The following TIA1 variants were observed in gnomAD, a reference collection of about 807,000 sequenced individuals.
TIA1 encodes the protein TIA1 cytotoxic granule associated RNA binding protein.
TIA1 carries 23 observed loss-of-function variants against 65.9 expected under a neutral mutation model. The ratio of observed to expected loss-of-function variants is 0.35; its 90% CI spans 0.25 to 0.49. TIA1 has a LOEUF of 0.49. TIA1 is among the 20% of genes least tolerant of loss of function. The probability of loss-of-function intolerance (pLI) is 0.98; values close to 1 mark genes in which losing one functional copy is unlikely to be tolerated. For synonymous variants in TIA1, 147 were observed against 149.4 expected, an observed-to-expected ratio of 0.98 and a Z score of 0.12; for missense variants, 371 against 477.9, an observed-to-expected ratio of 0.78 and a Z score of 2.09.
rs747006488 is a variant in TIA1, at chr2:70,214,381, C to T, written c.1002G>A (p.Met334Ile). The T allele has an allele frequency of 2.6e-5, 42 of 1,613,482 alleles. No individual in the cohort carries two copies. Among genetic ancestry groups the T allele is most frequent in the Non-Finnish European group, 3.5e-5 (41 of 1,179,820 alleles). Residue 334 changes from methionine to isoleucine, a missense_variant, in exon 12 of 13, where the codon ATG (methionine) becomes ATA (isoleucine). Coordinates refer to ENST00000433529, the MANE Select transcript of TIA1 (RefSeq NM_022173.4). ...CTTGCTGGTTCCATGCCTGGCCATACATTCCATATGCAGGAACTTGCCAAC... is the reference window on the plus strand; with the variant it reads ...CTTGCTGGTTCCATGCCTGGCCATATATTCCATATGCAGGAACTTGCCAAC... ...PNGWQVPAYG[M>I]YGQAWNQQGF...
In TIA1 at chr2:70,245,589, T is replaced by A. The variant is rs1454188532; in HGVS notation, c.26+2816A>T. 4.6e-5 allele frequency among the ~76,000 whole-genome samples: 7 copies of A among 152,160 alleles called. No homozygotes were observed. The South Asian group carries it at 1.2e-3, about 27-fold the overall frequency. On this transcript the variant is annotated intron_variant, in intron 1 of 12. Transcript: ENST00000433529. ...TTTTTTTACTGTGGAAAATTTCAAA[T>A]TTATATATGGAGAAGAGTAGTATAC...
chr2:70,230,252 A>G (rs959667099), intron 3 of TIA1, among the ~76,000 whole-genome samples: 5 of 151,832 alleles, frequency 3.3e-5, no homozygotes, highest in South Asian at 2.1e-4. Context: ...AAAAAAAAAA[A>G]AAAAGAAAAG....
chr2:70,228,796 G>C (rs1684847769), intron 5 of TIA1: 1 of 1,366,802 alleles, frequency 7.3e-7, no homozygotes, highest in Non-Finnish European at 9.4e-7. Context: ...CAAGAAAGGA[G>C]GGTATTTTGC....
chr2:70,222,498 AAG>A (rs1461561434), intron 7 of TIA1, among the ~76,000 whole-genome samples: 1 of 152,194 alleles, frequency 6.6e-6, no homozygotes, highest in Non-Finnish European at 1.5e-5. Flanking sequence ...AGAACATAGG[AAG>A]AGAGGCTGGG....
chr2:70,218,469 T>C lies in TIA1; in HGVS notation c.475-1475A>G, dbSNP rs935132258. ...TTTTTCGAGATGGAGTCTTGCTCTG[T>C]CTCCCAGGCTGGAGTGCAGTGGCGC... On this transcript the variant is annotated intron_variant, in intron 7 of 12. Coordinates refer to ENST00000433529, the MANE Select transcript of TIA1 (RefSeq NM_022173.4). Among the ~76,000 whole-genome samples, 3 of 152,130 alleles carry C rather than the reference T, an allele frequency of 2.0e-5. No homozygotes were observed. In the South Asian group the frequency reaches 6.2e-4, roughly 32 times the overall value.
At chr2:70,214,054 T>C (rs1353209424) in intron 12 of TIA1, among the ~76,000 whole-genome samples, 1 of 152,202 alleles carries the variant, frequency 6.6e-6, no homozygotes, top group East Asian at 1.9e-4. Context: ...AAGCTTGCAA[T>C]GTAACAAGGC....
intron 11 of TIA1, among the ~76,000 whole-genome samples, 161 bp from the exon 12 acceptor site, chr2:70,214,655 AAAAC>A (rs1422521923): frequency 1.3e-5 from 2 of 152,036 alleles, no homozygotes; most frequent in Non-Finnish European, 2.9e-5. Context: ...AAAAAAAAAA[AAAAC>A]AAAAAACAAC....
Position 70,216,323 on chromosome 2 carries a change from C to G in TIA1, c.680-31G>C, listed in dbSNP as rs750211761. On this transcript the variant is annotated intron_variant, in intron 9 of 12. Transcript: ENST00000433529. The stretch of plus-strand genomic sequence containing the variant: ...AGACAAAAAACCAAAACAAACAAAT[C>G]ACACTAAGTTATATAAAAATCCTAC... 8.2e-6 allele frequency: 13 copies of G among 1,577,408 alleles called. No homozygotes were observed. In the Admixed American group the frequency reaches 1.2e-4, roughly 14 times the overall value.
intron 4 of TIA1, 81 bp downstream of exon 4, chr2:70,229,183 A>G: frequency 6.3e-7 from 1 of 1,596,826 alleles, no homozygotes; most frequent in Non-Finnish European, 8.6e-7. Context: ...TACTGCAAAC[A>G]TGTATGATGT....
At chr2:70,245,595 T>C (rs1175809511) in intron 1 of TIA1, among the ~76,000 whole-genome samples, 1 of 152,192 alleles carries the variant, frequency 6.6e-6, no homozygotes, top group Admixed American at 6.5e-5. Flanking sequence ...CAAATTTATA[T>C]ATGGAGAAGA....
chr2:70,218,367 A>G (rs1409276648), intron 7 of TIA1, among the ~76,000 whole-genome samples: 1 of 152,234 alleles, frequency 6.6e-6, no homozygotes, highest in Non-Finnish European at 1.5e-5. Flanking sequence ...AGCGAGCAAA[A>G]AAGAATGTCA....
intron 7 of TIA1, among the ~76,000 whole-genome samples, chr2:70,218,454 T>TG (rs1679653980): frequency 6.6e-6 from 1 of 152,134 alleles, no homozygotes. Context: ...TTTTTCGAGA[T>TG]GGAGTCTTGC....
At position 70,214,338 on chromosome 2, in the gene TIA1, G is replaced by GAT; in HGVS notation, c.1034+9_1034+10dup. 1 of 1,604,758 alleles carries GAT rather than the reference G, an allele frequency of 6.2e-7. No homozygotes were observed. On this transcript the variant is annotated intron_variant, in intron 12 of 12. Transcript: ENST00000433529. Reference sequence around the variant, plus strand: ...CAAAGGTTAGTAAAGGAAGACATAAGATATGCTTACTTAAATCCTTGCTGG... The same window carrying GAT: ...CAAAGGTTAGTAAAGGAAGACATAAGATATATGCTTACTTAAATCCTTGCTGG...
chr2:70,228,131 CA>C (rs1386820900), intron 5 of TIA1, among the ~76,000 whole-genome samples: 1 of 151,976 alleles, frequency 6.6e-6, no homozygotes, highest in East Asian at 1.9e-4. Flanking sequence ...TTCAGTTCTG[CA>C]AAAAAATTTA....
In TIA1 at chr2:70,227,826, A is replaced by G. The variant is rs763497646; in HGVS notation, c.311-4T>C. 11 of 1,593,118 alleles carry G rather than the reference A, an allele frequency of 6.9e-6. No homozygotes were observed. In the African/African-American group the frequency reaches 9.4e-5, roughly 14 times the overall value. On this transcript the variant is annotated splice_polypyrimidine_tract_variant and splice_region_variant and intron_variant, in intron 5 of 12. Coordinates refer to ENST00000433529, the MANE Select transcript of TIA1 (RefSeq NM_022173.4). The stretch of plus-strand genomic sequence containing the variant: ...CCAACAAAGACATGGAAATGATCTT[A>G]TAAGGGGAAGGAAGGGGAAGTGAAA...
chr2:70,242,442 T>C (rs1692266229), intron 1 of TIA1, among the ~76,000 whole-genome samples: 1 of 116,796 alleles, frequency 8.6e-6, no homozygotes, highest in South Asian at 2.8e-4. Context: ...GAGGTTGCAG[T>C]GAGCCGAGAT....
At chr2:70,230,974 A>G in intron 2 of TIA1, 120 bp from the exon 3 acceptor site, 1 of 657,818 alleles carries the variant, frequency 1.5e-6, no homozygotes, top group South Asian at 2.1e-5. Flanking sequence ...GCCATGGAGA[A>G]TGAATGGTCT....
At chr2:70,223,575 C>A (rs1051433863) in intron 7 of TIA1, among the ~76,000 whole-genome samples, 8 of 151,960 alleles carry the variant, frequency 5.3e-5, no homozygotes, top group African/African-American at 1.4e-4. Context: ...GCATGTGTCG[C>A]CATGCCTGGC....
chr2:70,218,715 G>A (rs1324761750), intron 7 of TIA1, among the ~76,000 whole-genome samples: 1 of 152,228 alleles, frequency 6.6e-6, no homozygotes, highest in African/African-American at 2.4e-5. Context: ...TTACAGGCGT[G>A]AGCCACCGCA....
Sources: allele counts gnomAD v4.1 joint callset (sites outside exome capture counted in the v4.1 genomes callset), GRCh38; gene constraint gnomAD v4.1.1; transcripts MANE v1.5; gene names NCBI Gene and HGNC (gene_info 2026-07-23, HGNC 2026-07-21).